The following PPP3CA variants were observed in gnomAD, a reference collection of about 807,000 sequenced individuals.
PPP3CA encodes the protein protein phosphatase 3 catalytic subunit alpha.
In PPP3CA, 14 loss-of-function variants were observed where a neutral mutation model predicts 66.5. That is an observed-to-expected ratio of 0.21 (90% confidence interval 0.14 to 0.33). The LOEUF is 0.33. Ranked by LOEUF, PPP3CA falls within the 10% of genes least tolerant of loss-of-function variation. The pLI is 1.00. For missense variants in PPP3CA, 317 were observed against 639.5 expected (o/e 0.50, Z 5.44); for synonymous variants, 232 against 226.2 (o/e 1.03, Z -0.23).
intron 2 of PPP3CA, among the ~76,000 whole-genome samples, chr4:101,143,306 T>C (rs752472526): frequency 5.3e-5 from 8 of 152,166 alleles, no homozygotes; most frequent in Non-Finnish European, 1.0e-4. Context: ...TTACTCCCTT[T>C]CTTCTATTTC....
At chr4:101,332,640 T>G (rs1729425241) in intron 1 of PPP3CA, among the ~76,000 whole-genome samples, 2 of 152,336 alleles carry the variant, frequency 1.3e-5, no homozygotes, top group South Asian at 4.1e-4. Context: ...GCAGCAAAAT[T>G]ACAATACCTA....
At chr4:101,033,780 T>C (rs1206101276) in intron 11 of PPP3CA, among the ~76,000 whole-genome samples, 1 of 152,196 alleles carries the variant, frequency 6.6e-6, no homozygotes, top group Admixed American at 6.5e-5. Context: ...CATTAAGCAG[T>C]CACTCCCTAT....
At chr4:101,152,768 G>A (rs1723183463) in intron 2 of PPP3CA, among the ~76,000 whole-genome samples, 1 of 152,070 alleles carries the variant, frequency 6.6e-6, no homozygotes, top group Non-Finnish European at 1.5e-5. Flanking sequence ...CAGAGAAACA[G>A]TCCTTGCAAG....
At chr4:101,269,951 C>T (rs1284728143) in intron 1 of PPP3CA, among the ~76,000 whole-genome samples, 1 of 152,058 alleles carries the variant, frequency 6.6e-6, no homozygotes, top group African/African-American at 2.4e-5. Flanking sequence ...ACCTCTGTGG[C>T]ATACAGCTGG....
chr4:101,295,240 G>T (rs1728163965), intron 1 of PPP3CA, among the ~76,000 whole-genome samples: 1 of 148,944 alleles, frequency 6.7e-6, no homozygotes, highest in Non-Finnish European at 1.5e-5. Context: ...AGCGGAGCTT[G>T]CAGTGAGCCG....
intron 1 of PPP3CA, among the ~76,000 whole-genome samples, chr4:101,227,932 T>C (rs1034818224): frequency 3.3e-5 from 5 of 151,750 alleles, no homozygotes; most frequent in African/African-American, 1.2e-4. Flanking sequence ...TAGTATTCCA[T>C]GGTGTTTATT....
At chr4:101,255,018 A>C (rs1253692888) in intron 1 of PPP3CA, among the ~76,000 whole-genome samples, 1 of 150,356 alleles carries the variant, frequency 6.7e-6, no homozygotes, top group Non-Finnish European at 1.5e-5. Flanking sequence ...TAAACATAAG[A>C]AGCATGAGTC....
At chr4:101,138,862 A>G (rs2110289377) in intron 2 of PPP3CA, among the ~76,000 whole-genome samples, 1 of 149,844 alleles carries the variant, frequency 6.7e-6, no homozygotes, top group South Asian at 2.2e-4. Context: ...TTACATTTGT[A>G]ACTTTTCATT....
At chr4:101,059,357 C>T (rs1728361144) in intron 10 of PPP3CA, among the ~76,000 whole-genome samples, 1 of 151,938 alleles carries the variant, frequency 6.6e-6, no homozygotes, top group Admixed American at 6.6e-5. Flanking sequence ...CCTTTCCTTC[C>T]CTATGTTGCA....
chr4:101,293,953 G>A (rs1406827302), intron 1 of PPP3CA, among the ~76,000 whole-genome samples: 1 of 152,118 alleles, frequency 6.6e-6, no homozygotes, highest in Non-Finnish European at 1.5e-5. Flanking sequence ...CAGCCAGGAG[G>A]CATTATGTAA....
At chr4:101,221,537 G>T in intron 1 of PPP3CA, among the ~76,000 whole-genome samples, 1 of 150,896 alleles carries the variant, frequency 6.6e-6, no homozygotes, top group East Asian at 1.9e-4. Context: ...ATTCCCAACT[G>T]GAATTCTGAG....
chr4:101,255,755 T>C (rs1274852151), intron 1 of PPP3CA, among the ~76,000 whole-genome samples: 1 of 151,938 alleles, frequency 6.6e-6, no homozygotes, highest in African/African-American at 2.4e-5. Flanking sequence ...CTTACACTTC[T>C]CTGTAGTGCC....
At chr4:101,065,558 T>A (rs556062905) in intron 8 of PPP3CA, among the ~76,000 whole-genome samples, 10 of 152,156 alleles carry the variant, frequency 6.6e-5, no homozygotes, top group African/African-American at 2.4e-4. Context: ...TACAAAGGAA[T>A]TGTGGTTGAG....
At chr4:101,151,524 A>C (rs1397777079) in intron 2 of PPP3CA, among the ~76,000 whole-genome samples, 1 of 149,048 alleles carries the variant, frequency 6.7e-6, no homozygotes, top group Non-Finnish European at 1.5e-5. Flanking sequence ...GCACCACTGC[A>C]CTCCAACATG....
At chr4:101,277,676 C>A (rs1303885269) in intron 1 of PPP3CA, among the ~76,000 whole-genome samples, 1 of 152,130 alleles carries the variant, frequency 6.6e-6, no homozygotes, top group Non-Finnish European at 1.5e-5. Flanking sequence ...AAATTTAAAT[C>A]AATCTATAAA....
intron 10 of PPP3CA, among the ~76,000 whole-genome samples, chr4:101,046,916 A>G (rs1415497939): frequency 6.6e-6 from 1 of 152,222 alleles, no homozygotes; most frequent in Non-Finnish European, 1.5e-5. Context: ...AATAGAAGAT[A>G]TAATGCATAA....
At chr4:101,178,814 C>A (rs1047437518) in intron 2 of PPP3CA, among the ~76,000 whole-genome samples, 9 of 152,012 alleles carry the variant, frequency 5.9e-5, no homozygotes, top group Non-Finnish European at 1.3e-4. Context: ...CTTCACACAG[C>A]CCTCATATTA....
At chr4:101,337,003 G>C (rs1158745425) in intron 1 of PPP3CA, among the ~76,000 whole-genome samples, 1 of 152,150 alleles carries the variant, frequency 6.6e-6, no homozygotes, top group East Asian at 1.9e-4. Context: ...CAAATAGAGG[G>C]TTCTGAGCCA....
chr4:101,346,664 A>AGGC lies in PPP3CA; in HGVS notation c.58+74_58+75insGCC, dbSNP rs1560730597. ...AGAACCTGGGGCGGGGGAGGGGAGG[A>AGGC]AAGGCGAGGCGAGGCAAGCTGCCCT... On this transcript the variant is annotated intron_variant, in intron 1 of 13. Coordinates refer to ENST00000394854, the MANE Select transcript of PPP3CA (RefSeq NM_000944.5). The AGGC allele has an allele frequency of 9.4e-5, 120 of 1,273,482 alleles. 1 individual carries two copies. The highest frequency in any genetic ancestry group is 3.3e-4 in the Admixed American group (17 of 50,784). The allele number at this position is 1,273,482 out of a possible 1,614,324, so 78.9% of individuals were successfully genotyped here.
Sources: gnomAD v4.1 joint callset for allele counts (sites outside exome capture counted in the v4.1 genomes callset) on GRCh38, gnomAD v4.1.1 for gene constraint, MANE v1.5 for transcripts, NCBI Gene and HGNC (gene_info 2026-07-23, HGNC 2026-07-21) for gene names.